LPIN1: variants seen among roughly 807,000 people sequenced by gnomAD.
LPIN1 encodes lipin 1.
LPIN1 carries 71 observed loss-of-function variants against 107.5 expected under a neutral mutation model. That is an observed-to-expected ratio of 0.66 (90% CI 0.55 to 0.80). The LOEUF (loss-of-function observed/expected upper bound fraction) is 0.80, where lower values mean the gene tolerates loss of function less well. LPIN1 is among the 30% of genes least tolerant of loss of function. The pLI is 0.00. For synonymous variants in LPIN1, 445 were observed against 452.6 expected (o/e 0.98, Z 0.21); for missense variants, 1,043 against 1,160.6 (o/e 0.90, Z 1.47).
At chr2:11,737,046 G>A (rs1665857909) in intron 1 of LPIN1, among the ~76,000 whole-genome samples, 1 of 152,206 alleles carries the variant, frequency 6.6e-6, no homozygotes, top group Admixed American at 6.5e-5. Flanking sequence ...CCAGGAGGAG[G>A]GAGCGAGGTA....
intron 20 of LPIN1, among the ~76,000 whole-genome samples, chr2:11,822,353 G>A (rs1344824999): frequency 2.0e-5 from 3 of 151,376 alleles, no homozygotes; most frequent in Non-Finnish European, 4.4e-5. Context: ...GGAAGGCTAA[G>A]GCAGAAGAAT....
At chr2:11,758,260 AG>A (rs1455427090) in intron 1 of LPIN1, among the ~76,000 whole-genome samples, 1 of 147,348 alleles carries the variant, frequency 6.8e-6, no homozygotes, top group African/African-American at 2.6e-5. Context: ...ACCTGCTTTC[AG>A]TTTTTTTTTT....
At position 11,794,349 on chromosome 2, in the gene LPIN1, G is replaced by A. The variant is rs141985688; in HGVS notation, c.1807-1059G>A. ...CCGCTATAAAGTAAGGAACAGTTAT[G>A]AAATTAAATGTTTCTTTAAAAATCT... On this transcript the variant is annotated intron_variant, in intron 13 of 20. Transcript: ENST00000674199. Among the ~76,000 whole-genome samples the A allele has an allele frequency of 9.1e-4, 139 of 152,252 alleles. 1 individual carries two copies. The highest frequency in any genetic ancestry group is 6.8e-3 in the Middle Eastern group (2 of 294).
chr2:11,786,391 C>T lies in LPIN1; in HGVS notation c.1550-683C>T, dbSNP rs573472579. Among the ~76,000 whole-genome samples, 7 of 152,222 alleles carry T rather than the reference C, an allele frequency of 4.6e-5. No homozygotes were observed. Among genetic ancestry groups the T allele is most frequent in the South Asian group, 4.2e-4 (2 of 4,816 alleles). ...TGGGCCAGGGAGATGGTCAGAACCG[C>T]GGTCAAGGCTTAAGGTACAGCCCAG... On this transcript the variant is annotated intron_variant, in intron 10 of 20. Coordinates refer to ENST00000674199, the MANE Select transcript of LPIN1 (RefSeq NM_001349206.2). The surrounding 1 kb of genome is among the most constrained non-coding windows in gnomAD (Gnocchi z 4.1).
chr2:11,720,483 C>T (rs903376638), upstream of LPIN1, among the ~76,000 whole-genome samples: 16 of 152,088 alleles, frequency 1.1e-4, no homozygotes, highest in African/African-American at 3.1e-4. Flanking sequence ...TGTGGAACAG[C>T]CAGGGTGTCT....
intron 1 of LPIN1, among the ~76,000 whole-genome samples, chr2:11,694,817 A>C (rs1025201337): frequency 2.6e-5 from 4 of 152,204 alleles, no homozygotes; most frequent in Non-Finnish European, 5.9e-5. Context: ...ACACATACAA[A>C]AGTTATAAGA....
chr2:11,798,801 G>C (rs953911260), intron 14 of LPIN1, among the ~76,000 whole-genome samples: 2 of 150,828 alleles, frequency 1.3e-5, no homozygotes, highest in Non-Finnish European at 3.0e-5. Flanking sequence ...GTGTCAGAAT[G>C]TTTTCCTAAT....
At position 11,803,105 on chromosome 2, in the gene LPIN1, A is replaced by T; in HGVS notation, c.2013+72A>T. ...TTCTGCAGACTCCTAAGGCTGTGTG[A>T]TGGTTGGGATGTGCCCGTTACTTGT... On this transcript the variant is annotated intron_variant, in intron 15 of 20. Transcript: ENST00000674199. This position sits in a 1 kb window ranked among gnomAD's most constrained non-coding sequence, Gnocchi z 4.2. 1.3e-6 allele frequency: 2 copies of T among 1,595,450 alleles called. No individual in the cohort carries two copies. Among genetic ancestry groups the T allele is most frequent in the Admixed American group, 1.7e-5 (1 of 59,986 alleles).
At chr2:11,713,437 A>G (rs1663530793) in intron 1 of LPIN1, among the ~76,000 whole-genome samples, 1 of 152,194 alleles carries the variant, frequency 6.6e-6, no homozygotes, top group Middle Eastern at 3.4e-3. Context: ...TGCCAAGCTA[A>G]TTTTTGTATT....
intron 1 of LPIN1, among the ~76,000 whole-genome samples, chr2:11,706,205 C>T (rs80012404): frequency 0.022 from 3,336 of 152,252 alleles, 127 homozygotes; most frequent in African/African-American, 0.076. Context: ...TGAAAATGGA[C>T]TAATATGGTG....
intron 10 of LPIN1, among the ~76,000 whole-genome samples, chr2:11,785,653 C>T (rs1031007085): frequency 6.6e-6 from 1 of 152,086 alleles, no homozygotes; most frequent in African/African-American, 2.4e-5. Flanking sequence ...CCCCTCCCGC[C>T]CCCTCTCTCA....
intron 5 of LPIN1, 77 bp from the exon 6 acceptor site, chr2:11,776,008 AC>A (rs1018727245): frequency 3.4e-6 from 2 of 593,602 alleles, no homozygotes; most frequent in African/African-American, 3.7e-5. Context: ...TATTACATAT[AC>A]TTTATATAAT....
chr2:11,788,380 G>C lies in LPIN1; in HGVS notation c.1644-7G>C. On this transcript the variant is annotated splice_polypyrimidine_tract_variant and splice_region_variant and intron_variant, in intron 11 of 20. Transcript: ENST00000674199. The stretch of plus-strand genomic sequence containing the variant: ...TTTTTGACATATATTTCATTGTTTT[G>C]TGTTAGATATTATAACTGGACAACA... 9.3e-6 allele frequency: 15 copies of C among 1,607,748 alleles called. No homozygotes were observed. Among genetic ancestry groups the C allele is most frequent in the Non-Finnish European group, 1.2e-5 (14 of 1,174,226 alleles).
chr2:11,713,883 C>T, intron 2 of LPIN1: 1 of 1,126,498 alleles, frequency 8.9e-7, no homozygotes, highest in Non-Finnish European at 1.3e-6. Context: ...TACTCCATGT[C>T]CAGCTGTGGT....
chr2:11,771,593 T>C lies in LPIN1; in HGVS notation c.510T>C (p.Asp170=), dbSNP rs746091913. The C allele has an allele frequency of 1.2e-6, 2 of 1,612,382 alleles. No individual in the cohort carries two copies. The highest frequency in any genetic ancestry group is 1.7e-5 in the Admixed American group (1 of 59,682). Residue 170 remains aspartate (D), a synonymous_variant, in exon 4 of 21, where the codon GAT becomes GAC. Transcript: ENST00000674199. This position sits in a 1 kb window ranked among gnomAD's most constrained non-coding sequence, Gnocchi z 4.8. ...CACAGCTGGACAGCCTGAAGAGAGA[T>C]GACAACATGAACACATCTGAGGATG... ...RKSQLDSLKR[D]DNMNTSEDED... is the part of the protein sequence containing the mutation.
chr2:11,716,499 CTG>C (rs1663751152), intron 2 of LPIN1, among the ~76,000 whole-genome samples: 1 of 151,970 alleles, frequency 6.6e-6, no homozygotes, highest in Non-Finnish European at 1.5e-5. Context: ...TTCCTAGTGA[CTG>C]TGCCACTGTA....
chr2:11,826,019 A>G lies in LPIN1; in HGVS notation c.*1228A>G, dbSNP rs965111051. On this transcript the variant is annotated 3_prime_UTR_variant, in exon 21 of 21. Coordinates refer to ENST00000674199, the MANE Select transcript of LPIN1 (RefSeq NM_001349206.2). ...AAAAGTAATAATTTGGCATTCTTTA[A>G]GCCTACAGAATGTGATTCTTTCACT... 1 of 152,574 alleles carries G rather than the reference A, an allele frequency of 6.6e-6. No individual in the cohort carries two copies. Among genetic ancestry groups the G allele is most frequent in the African/African-American group, 2.4e-5 (1 of 41,466 alleles). 9.5% of individuals were successfully genotyped at this position (152,574 alleles called of 1,614,324 possible).
chr2:11,710,474 C>T (rs1663351570), intron 1 of LPIN1, among the ~76,000 whole-genome samples: 1 of 151,722 alleles, frequency 6.6e-6, no homozygotes, highest in South Asian at 2.1e-4. Flanking sequence ...CCTGAACAGT[C>T]ATACAGCTCA....
chr2:11,685,044 A>G (rs1315697945), intron 1 of LPIN1, among the ~76,000 whole-genome samples: 1 of 152,126 alleles, frequency 6.6e-6, no homozygotes, highest in Non-Finnish European at 1.5e-5. Flanking sequence ...GGTTGTGGAG[A>G]AAAAGAAAAT....
Sources: allele counts gnomAD v4.1 joint callset (sites outside exome capture counted in the v4.1 genomes callset), GRCh38; gene constraint gnomAD v4.1.1; non-coding constraint Gnocchi (gnomAD v3.1); transcripts MANE v1.5; gene names NCBI Gene and HGNC (gene_info 2026-07-23, HGNC 2026-07-21).